The following RORA variants were observed in gnomAD, a reference collection of about 807,000 sequenced individuals.
RORA encodes nuclear receptor ROR-alpha.
A neutral mutation model predicts 69.5 loss-of-function variants in RORA; 7 were observed. The observed-to-expected ratio is 0.10, with a 90% confidence interval of 0.06 to 0.19. The LOEUF is 0.19. Ranked by LOEUF, RORA falls within the 10% of genes least tolerant of loss-of-function variation. RORA has a pLI of 1.00. For missense variants in RORA, 457 were observed against 663.0 expected, an observed-to-expected ratio of 0.69 and a Z score of 3.41; for synonymous variants, 261 against 240.8, an observed-to-expected ratio of 1.08 and a Z score of -0.78.
chr15:60,851,594 G>GGACA, intron 1 of RORA, among the ~76,000 whole-genome samples: 1 of 152,132 alleles, frequency 6.6e-6, no homozygotes, highest in Non-Finnish European at 1.5e-5. Flanking sequence ...TTGAATAGGG[G>GGACA]AAGGAGGTAA....
intron 1 of RORA, among the ~76,000 whole-genome samples, chr15:61,050,289 C>A (rs1897234871): frequency 6.6e-6 from 1 of 152,182 alleles, no homozygotes; most frequent in Non-Finnish European, 1.5e-5. Flanking sequence ...AATATTTACT[C>A]TTTGGCCCTT....
intron 1 of RORA, among the ~76,000 whole-genome samples, chr15:60,691,219 G>A (rs2070818839): frequency 6.6e-6 from 1 of 152,062 alleles, no homozygotes; most frequent in Non-Finnish European, 1.5e-5. Context: ...CTGCTAGAAT[G>A]CTTCCCAGCC....
At chr15:61,058,696 T>C (rs540864329) in intron 1 of RORA, among the ~76,000 whole-genome samples, 1 of 152,302 alleles carries the variant, frequency 6.6e-6, no homozygotes, top group East Asian at 1.9e-4. Flanking sequence ...CAGGAGACCC[T>C]CTGTCTAGGG....
At chr15:60,519,415 G>A (rs1463941984) in intron 3 of RORA, among the ~76,000 whole-genome samples, 3 of 152,188 alleles carry the variant, frequency 2.0e-5, no homozygotes, top group African/African-American at 4.8e-5. Context: ...AGTCCTCGCT[G>A]TAGCATGGGG....
intron 2 of RORA, chr15:60,650,631 A>C (rs1396262122): frequency 2.0e-5 from 3 of 152,174 alleles, no homozygotes; most frequent in Admixed American, 6.5e-5. Flanking sequence ...TGCGGGATGA[A>C]ACCAGGAGAA....
intron 2 of RORA, among the ~76,000 whole-genome samples, chr15:60,574,664 G>A (rs2067976367): frequency 6.6e-6 from 1 of 152,232 alleles, no homozygotes; most frequent in Admixed American, 6.5e-5. Context: ...CTTGTCACAT[G>A]TGAGACATTG....
intron 1 of RORA, among the ~76,000 whole-genome samples, chr15:60,741,930 C>A (rs958132485): frequency 6.6e-6 from 1 of 152,178 alleles, no homozygotes; most frequent in African/African-American, 2.4e-5. Context: ...CCACTCCCTG[C>A]CAAGCCTCCT....
At chr15:61,004,527 T>C (rs1468130768) in intron 1 of RORA, among the ~76,000 whole-genome samples, 1 of 152,074 alleles carries the variant, frequency 6.6e-6, no homozygotes, top group East Asian at 1.9e-4. Flanking sequence ...AGTATACCTG[T>C]CAGAGAAGCA....
intron 2 of RORA, among the ~76,000 whole-genome samples, chr15:60,611,547 T>C (rs1211943763): frequency 1.7e-5 from 1 of 59,964 alleles, no homozygotes; most frequent in Non-Finnish European, 3.4e-5. Flanking sequence ...CCTCAAACAA[T>C]CTTGAGTTTT....
intron 1 of RORA, among the ~76,000 whole-genome samples, chr15:60,981,851 G>A (rs1349505466): frequency 6.9e-6 from 1 of 145,796 alleles, no homozygotes; most frequent in Non-Finnish European, 1.5e-5. Flanking sequence ...TTTTTCTCCT[G>A]GTATGTGCCA....
At chr15:60,707,140 G>A (rs555294799) in intron 1 of RORA, among the ~76,000 whole-genome samples, 1 of 152,132 alleles carries the variant, frequency 6.6e-6, no homozygotes, top group East Asian at 1.9e-4. Context: ...ATCTGTAACC[G>A]TTGGTTTGCC....
chr15:61,088,937 G>A (rs1174131488), intron 1 of RORA, among the ~76,000 whole-genome samples: 1 of 152,152 alleles, frequency 6.6e-6, no homozygotes, highest in Admixed American at 6.5e-5. Context: ...TAGGGAGACT[G>A]TGAATCACAA....
At chr15:60,894,303 T>G (rs1891167178) in intron 1 of RORA, among the ~76,000 whole-genome samples, 1 of 152,230 alleles carries the variant, frequency 6.6e-6, no homozygotes, top group Non-Finnish European at 1.5e-5. Flanking sequence ...TGCAATATGT[T>G]AATGCTTGTC....
chr15:60,560,615 G>A (rs1246699748), intron 2 of RORA, among the ~76,000 whole-genome samples: 1 of 152,220 alleles, frequency 6.6e-6, no homozygotes, highest in Admixed American at 6.5e-5. Context: ...GCCTGAGGTG[G>A]GAGGGATCAC....
chr15:60,703,799 G>C (rs1434579558), intron 1 of RORA, among the ~76,000 whole-genome samples: 2 of 151,386 alleles, frequency 1.3e-5, no homozygotes, highest in Non-Finnish European at 2.9e-5. Flanking sequence ...TATATTGCCA[G>C]ATACCTCATC....
intron 2 of RORA, among the ~76,000 whole-genome samples, chr15:60,621,941 A>G (rs339990): frequency 0.6 from 91,737 of 151,680 alleles, 27,888 homozygotes; most frequent in African/African-American, 0.69. Flanking sequence ...CCAGCTACTC[A>G]GGAGGCTGAG....
At chr15:60,983,747 A>G (rs1894114952) in intron 1 of RORA, among the ~76,000 whole-genome samples, 1 of 152,180 alleles carries the variant, frequency 6.6e-6, no homozygotes, top group South Asian at 2.1e-4. Context: ...GCCTTTCCAG[A>G]CTAAATAAAC....
In RORA at chr15:60,505,576, T is replaced by C; in HGVS notation, c.874A>G (p.Arg292Gly). The change falls in exon 6 of 11, where the codon AGA (arginine) becomes GGA (glycine). Residue 292 changes from arginine to glycine, a missense_variant. Physicochemically the swap from Arg to Gly is moderately radical, Grantham distance 125. Coordinates refer to ENST00000335670, the MANE Select transcript of RORA (RefSeq NM_134261.3). ...CACGTTATCTGCTGGAGCTCTTCTC[T>C]CAAGTATTGGCAGGTTTCCAGATGC... ...KSHLETCQYL[R>G]EELQQITWQT... The C allele has an allele frequency of 6.2e-7, 1 of 1,613,938 alleles. No individual in the cohort carries two copies.
At chr15:60,915,626 AATTTT>A (rs536943968) in intron 1 of RORA, among the ~76,000 whole-genome samples, 97 of 152,362 alleles carry the variant, frequency 6.4e-4, no homozygotes, top group Non-Finnish European at 1.1e-3. Context: ...CTGAATTCTT[AATTTT>A]ATATCATTTT....
Sources: gnomAD v4.1 joint callset for allele counts (sites outside exome capture counted in the v4.1 genomes callset) on GRCh38, gnomAD v4.1.1 for gene constraint, MANE v1.5 for transcripts, NCBI Gene and HGNC (gene_info 2026-07-23, HGNC 2026-07-21) for gene names.